The following FCHO1 variants were observed in gnomAD, a reference collection of about 807,000 sequenced individuals.
FCHO1 encodes the protein F-BAR domain only protein 1.
A neutral mutation model predicts 114.4 loss-of-function variants in FCHO1; 45 were observed. That is an observed-to-expected ratio of 0.39 (90% CI 0.31 to 0.50). The LOEUF is 0.50. Ranked by LOEUF, FCHO1 falls within the 20% of genes least tolerant of loss-of-function variation. FCHO1 has a pLI of 0.77. For synonymous variants in FCHO1, 480 were observed against 488.9 expected, an observed-to-expected ratio of 0.98 and a Z score of 0.24; for missense variants, 1,042 against 1,209.6, an observed-to-expected ratio of 0.86 and a Z score of 2.06.
chr19:17,764,537 A>G, intron 6 of FCHO1, 88 bp downstream of exon 6: 1 of 1,074,434 alleles, frequency 9.3e-7, no homozygotes, highest in Non-Finnish European at 1.3e-6. Flanking sequence ...TGTAGAATAG[A>G]GTGTCATCCA....
chr19:17,776,564 C>T lies in FCHO1; in HGVS notation c.1208-71C>T, dbSNP rs2092659423. ...GGCTGGACACCCCCGAGCCTCGGTC[C>T]CTTGGTCTGTGGAGTGGGGAGCATT... On this transcript the variant is annotated intron_variant, in intron 17 of 28. Transcript: ENST00000596536. The surrounding 1 kb of genome is among the most constrained non-coding windows in gnomAD (Gnocchi z 4.4). The T allele has an allele frequency of 2.6e-6, 4 of 1,567,046 alleles. No individual in the cohort carries two copies. The highest frequency in any genetic ancestry group is 1.1e-5 in the South Asian group (1 of 90,054).
Position 17,788,440 on chromosome 19 carries a change from G to A in FCHO1, c.*134G>A, listed in dbSNP as rs898822626. ...CATACTCCACGGAGAGGAGCCCCATGCCCAGCCTGGCTGAGCCCGAGATTC... is the reference window on the plus strand; with the variant it reads ...CATACTCCACGGAGAGGAGCCCCATACCCAGCCTGGCTGAGCCCGAGATTC... On this transcript the variant is annotated 3_prime_UTR_variant, in exon 29 of 29. Transcript: ENST00000596536. 1.1e-5 allele frequency: 7 copies of A among 657,174 alleles called. No individual in the cohort carries two copies. The highest frequency in any genetic ancestry group is 8.5e-4 in the Middle Eastern group (2 of 2,354). 40.7% of individuals were successfully genotyped at this position (657,174 alleles called of 1,614,324 possible). A position where few individuals can be genotyped will look rare whatever the true frequency, so the allele number is the denominator to read the frequency against.
rs397859350 is a variant in FCHO1 at position 17,765,882 on chromosome 19, C to CTTTT, written c.195-766_195-763dup. 6.0e-3 allele frequency among the ~76,000 whole-genome samples: 361 copies of CTTTT among 60,160 alleles called. 7 individuals carry two copies. Among genetic ancestry groups the CTTTT allele is most frequent in the Non-Finnish European group, 6.8e-3 (238 of 35,154 alleles). The allele number at this position is 60,160 out of a possible 152,430, so 39.5% of individuals were successfully genotyped here. On this transcript the variant is annotated intron_variant, in intron 6 of 28. Transcript: ENST00000596536. ...TGGGGCATGTGGTGTCTTAGTCACT[C>CTTTT]TTTTTTTTTTTTTTTTTTTTTTTTG...
intron 11 of FCHO1, 81 bp downstream of exon 11, chr19:17,772,822 T>A (rs971826679): frequency 1.9e-4 from 174 of 930,070 alleles, no homozygotes; most frequent in Admixed American, 4.6e-4. Context: ...CAGCTAATTT[T>A]TTTTTTATTT....
rs1336488910 is a variant in FCHO1 at position 17,766,836 on chromosome 19, G to A, written c.336+26G>A. On this transcript the variant is annotated intron_variant, in intron 7 of 28. Coordinates refer to ENST00000596536, the MANE Select transcript of FCHO1 (RefSeq NM_015122.3). Reference sequence around the variant, plus strand: ...GTGTGTGTCGTGGGCGCCGCCCAGCGGCTGGGTGGGTGTGGAACACCGGCA... The same window carrying A: ...GTGTGTGTCGTGGGCGCCGCCCAGCAGCTGGGTGGGTGTGGAACACCGGCA... The A allele has an allele frequency of 5.0e-6, 8 of 1,603,772 alleles. No homozygotes were observed. In the South Asian group the frequency reaches 7.7e-5, roughly 15 times the overall value.
In FCHO1 at chr19:17,784,229, A is replaced by G; in HGVS notation, c.2220A>G (p.Arg740=). The change falls in exon 25 of 29, where the codon CGA becomes CGG. Residue 740 remains arginine (R), a synonymous_variant. Transcript: ENST00000596536. The surrounding 1 kb of genome is among the most constrained non-coding windows in gnomAD (Gnocchi z 5.3). The part of the protein sequence containing the change: ...TASYYNVVLL[R]YQFSRPGPQS... ...CCTACTACAACGTGGTGCTGCTGCG[A>G]TACCAGGTGCGCCACCCGCATGGGG... 1 of 1,606,008 alleles carries G rather than the reference A, an allele frequency of 6.2e-7. No individual in the cohort carries two copies. Among genetic ancestry groups the G allele is most frequent in the South Asian group, 1.1e-5 (1 of 90,200 alleles).
chr19:17,777,272 C>G (rs1476793109), intron 18 of FCHO1, among the ~76,000 whole-genome samples: 1 of 152,060 alleles, frequency 6.6e-6, no homozygotes, highest in East Asian at 2.0e-4. Context: ...CGTGGCGGCT[C>G]ACGCCTGTAA....
intron 9 of FCHO1, 45 bp from the exon 10 acceptor site, chr19:17,772,412 T>C: frequency 1.4e-6 from 2 of 1,459,830 alleles, no homozygotes; most frequent in Non-Finnish European, 1.9e-6. Context: ...CCACTTCTTC[T>C]TGGCCCTGAC....
chr19:17,755,051 G>A (rs1439996018), intron 3 of FCHO1, 67 bp from the exon 4 acceptor site: 4 of 956,364 alleles, frequency 4.2e-6, no homozygotes, highest in Non-Finnish European at 6.9e-6. Flanking sequence ...TCTACAGGGA[G>A]GGACTTTCCC....
At chr19:17,771,694 A>G (rs902341172) in intron 9 of FCHO1, among the ~76,000 whole-genome samples, 4 of 151,982 alleles carry the variant, frequency 2.6e-5, no homozygotes, top group African/African-American at 7.2e-5. Flanking sequence ...AAAATAAAAA[A>G]TAAAATTTAA....
At position 17,786,645 on chromosome 19, in the gene FCHO1, G is replaced by A. The variant is rs569562282; in HGVS notation, c.2482+16G>A. The A allele has an allele frequency of 1.2e-5, 6 of 513,064 alleles. No homozygotes were observed. The highest frequency in any genetic ancestry group is 4.2e-5 in the Admixed American group (2 of 47,312). The allele number at this position is 513,064 out of a possible 1,614,324, so 31.8% of individuals were successfully genotyped here. On this transcript the variant is annotated intron_variant, in intron 27 of 28. Transcript: ENST00000596536. Reference sequence around the variant, plus strand: ...GAGGCAGGCGGTGAGCTGTGGTTGTGTATGAGGGCTGGGTGGGAGGGACTG... The same window carrying A: ...GAGGCAGGCGGTGAGCTGTGGTTGTATATGAGGGCTGGGTGGGAGGGACTG...
intron 4 of FCHO1, among the ~76,000 whole-genome samples, chr19:17,756,106 C>T (rs896054975): frequency 6.6e-6 from 1 of 152,168 alleles, no homozygotes; most frequent in African/African-American, 2.4e-5. Flanking sequence ...TGTTGCTAGG[C>T]GACTGGTTGC....
rs750801082 is a variant in FCHO1, at chr19:17,783,084, G to A, written c.2005G>A (p.Gly669Arg). The A allele has an allele frequency of 5.6e-5, 90 of 1,613,942 alleles. No homozygotes were observed. The highest frequency in any genetic ancestry group is 7.2e-5 in the Non-Finnish European group (85 of 1,180,008). ...TGCTGGCATCGTGCGTGTGTTCAGC[G>A]GGACCCCACCACCACCTGTCCTCAG... is the stretch of plus-strand genomic sequence containing the variant. ...FPAGIVRVFS[G>R]TPPPPVLSFR... Residue 669 changes from glycine to arginine, a missense_variant, in exon 24 of 29, where the codon GGG becomes AGG. Physicochemically the swap from Gly to Arg is moderately radical, Grantham distance 125. This residue lies in a region of FCHO1 where 455 missense variants were observed against 455.4 expected (regional missense o/e 1.00). Coordinates refer to ENST00000596536, the MANE Select transcript of FCHO1 (RefSeq NM_015122.3).
Position 17,755,134 on chromosome 19 carries a change from G to T in FCHO1, c.-31G>T, listed in dbSNP as rs1365172692. The T allele has an allele frequency of 3.1e-6, 5 of 1,612,994 alleles. No homozygotes were observed. Among genetic ancestry groups the T allele is most frequent in the Admixed American group, 1.7e-5 (1 of 59,994 alleles). On this transcript the variant is annotated 5_prime_UTR_variant, in exon 4 of 29. Transcript: ENST00000596536. Reference sequence around the variant, plus strand: ...TCTCTTCAGACAGGCACTGGACGGGGCCTGCAGGGGTCTCCACAGAGACCA... The same window carrying T: ...TCTCTTCAGACAGGCACTGGACGGGTCCTGCAGGGGTCTCCACAGAGACCA...
In FCHO1 at chr19:17,771,184, G is replaced by T. The variant is rs962024158; in HGVS notation, c.594+288G>T. On this transcript the variant is annotated intron_variant, in intron 9 of 28. Transcript: ENST00000596536. ...GGGAGAATCACTTGAACCAGAAGGC[G>T]GAGGTTGCAGTGAGCCAAGATCGAG... 4.0e-5 allele frequency among the ~76,000 whole-genome samples: 6 copies of T among 151,614 alleles called. No individual in the cohort carries two copies. In the South Asian group the frequency reaches 1.3e-3, roughly 32 times the overall value.
intron 7 of FCHO1, among the ~76,000 whole-genome samples, chr19:17,767,320 G>A (rs1160404233): frequency 6.6e-6 from 1 of 151,280 alleles, no homozygotes; most frequent in African/African-American, 2.4e-5. Flanking sequence ...GGCTGAGGCA[G>A]GAGGATGGCT....
At chr19:17,783,259 A>ATTT (rs35570531) in intron 24 of FCHO1, 87 bp downstream of exon 24, 528 of 1,112,612 alleles carry the variant, frequency 4.7e-4, no homozygotes, top group Middle Eastern at 1.4e-3. Flanking sequence ...GCTTCCTGGG[A>ATTT]TTTTTTCTTT....
intron 20 of FCHO1, among the ~76,000 whole-genome samples, 160 bp downstream of exon 20, chr19:17,779,044 G>A (rs1018673331): frequency 1.2e-4 from 19 of 152,240 alleles, no homozygotes; most frequent in Admixed American, 5.9e-4. Context: ...TGGACATTTA[G>A]CAAGGCAGGC....
intron 9 of FCHO1, among the ~76,000 whole-genome samples, 193 bp downstream of exon 9, chr19:17,771,089 A>T (rs1249828376): frequency 6.6e-6 from 1 of 151,874 alleles, no homozygotes; most frequent in Admixed American, 6.6e-5. Flanking sequence ...GCCTGTCTCT[A>T]CTAAAAATAC....
Sources: gnomAD v4.1 joint callset for allele counts (sites outside exome capture counted in the v4.1 genomes callset) on GRCh38, gnomAD v4.1.1 for gene constraint, gnomAD v4.1.1 regional missense constraint, Gnocchi (gnomAD v3.1) non-coding constraint, MANE v1.5 for transcripts, NCBI Gene and HGNC (gene_info 2026-07-23, HGNC 2026-07-21) for gene names.